The following NEK4 variants were observed in gnomAD, a reference collection of about 807,000 sequenced individuals.
NEK4 encodes serine/threonine-protein kinase Nek4.
NEK4 carries 86 observed loss-of-function variants against 98.4 expected under a neutral mutation model. The ratio of observed to expected loss-of-function variants is 0.87; its 90% CI spans 0.73 to 1.05. NEK4 has a LOEUF of 1.05. Ranked by LOEUF, NEK4 falls within the 50% of genes least tolerant of loss-of-function variation. NEK4 has a pLI of 0.00. For synonymous variants in NEK4, 328 were observed against 342.2 expected (o/e 0.96, Z 0.46); for missense variants, 898 against 950.3 (o/e 0.94, Z 0.72).
In NEK4 at chr3:52,760,911, T is replaced by A. The variant is rs1199727291; in HGVS notation, c.847A>T (p.Asn283Tyr). Reference protein sequence around the residue: ...KIKTSKNNIKNGDSQSKPFAT... With the variant: ...KIKTSKNNIKYGDSQSKPFAT... ...AAAGGCTTGGATTGAGAGTCACCATTTTTAATGTTATTTTTGGAGGTTTTT... is the reference window on the plus strand; with the variant it reads ...AAAGGCTTGGATTGAGAGTCACCATATTTAATGTTATTTTTGGAGGTTTTT... The change falls in exon 6 of 16, where the codon AAT becomes TAT. Residue 283 changes from asparagine (N) to tyrosine (Y), a missense_variant. By Grantham distance (143) the Asn-to-Tyr change is moderately radical. Transcript: ENST00000233027. 6.3e-7 allele frequency: 1 copy of A among 1,585,946 alleles called. No individual in the cohort carries two copies. Among genetic ancestry groups the A allele is most frequent in the Non-Finnish European group, 8.6e-7 (1 of 1,166,894 alleles).
rs1698438437 is a variant in NEK4, at chr3:52,763,599, C to T, written c.692G>A (p.Ser231Asn). ...GKLPPMPRDY[S>N]PELAELIRTM... The stretch of plus-strand genomic sequence containing the variant: ...TCTTATCAGTTCTGCCAGCTCTGGG[C>T]TGTAATCTCTTGGCATTGGTGGCAG... Residue 231 changes from serine to asparagine, a missense_variant, in exon 5 of 16, where the codon AGC becomes AAC. Ser to Asn is a conservative substitution (Grantham distance 46). Transcript: ENST00000233027. 1 of 1,604,730 alleles carries T rather than the reference C, an allele frequency of 6.2e-7. No individual in the cohort carries two copies. The highest frequency in any genetic ancestry group is 2.2e-5 in the East Asian group (1 of 44,710).
At chr3:52,734,827 GC>G in intron 15 of NEK4, 1 of 317,638 alleles carries the variant, frequency 3.1e-6, no homozygotes, top group Non-Finnish European at 6.2e-6. Flanking sequence ...CTCTCATTCA[GC>G]AAGAGGATGA....
chr3:52,760,787 A>G lies in NEK4; in HGVS notation c.963+8T>C. 1 of 1,593,948 alleles carries G rather than the reference A, an allele frequency of 6.3e-7. No homozygotes were observed. Among genetic ancestry groups the G allele is most frequent in the Non-Finnish European group, 8.5e-7 (1 of 1,171,324 alleles). Reference sequence around the variant, plus strand: ...TCTAAAACACATACCCTTTAAAAAGAAACGTACCATTATATATGTCTGGGA... The same window carrying G: ...TCTAAAACACATACCCTTTAAAAAGGAACGTACCATTATATATGTCTGGGA... On this transcript the variant is annotated splice_region_variant and intron_variant, in intron 6 of 15. Transcript: ENST00000233027.
At chr3:52,723,531 C>T (rs1245393308) in intron 15 of NEK4, among the ~76,000 whole-genome samples, 1 of 152,100 alleles carries the variant, frequency 6.6e-6, no homozygotes, top group Non-Finnish European at 1.5e-5. Context: ...CATGAGCCAC[C>T]ATGCCCGGTC....
At chr3:52,765,795 G>T in intron 4 of NEK4, 92 bp downstream of exon 4, 1 of 773,088 alleles carries the variant, frequency 1.3e-6, no homozygotes, top group Non-Finnish European at 2.3e-6. Context: ...ATTACTCATT[G>T]ACTCATCAAA....
chr3:52,770,877 G>C lies in NEK4; in HGVS notation c.-131C>G. On this transcript the variant is annotated 5_prime_UTR_variant, in exon 1 of 16. Coordinates refer to ENST00000233027, the MANE Select transcript of NEK4 (RefSeq NM_003157.6). ...CTGTTGAGGCAGCCGGGCCCGGGCG[G>C]GATTGCTGGGGCCCGGCCCGCGACG... The C allele has an allele frequency of 1.3e-6, 1 of 748,322 alleles. No individual in the cohort carries two copies. Among genetic ancestry groups the C allele is most frequent in the South Asian group, 1.7e-5 (1 of 60,482 alleles). The allele number at this position is 748,322 out of a possible 1,614,324, so 46.4% of individuals were successfully genotyped here.
intron 5 of NEK4, among the ~76,000 whole-genome samples, chr3:52,763,132 C>G (rs1698420690): frequency 6.6e-6 from 1 of 152,152 alleles, no homozygotes; most frequent in Non-Finnish European, 1.5e-5. Flanking sequence ...TCTCTTTGTT[C>G]AATCAAGCAA....
chr3:52,758,481 A>G lies in NEK4; in HGVS notation c.963+2314T>C, dbSNP rs147534442. Among the ~76,000 whole-genome samples the G allele has an allele frequency of 4.6e-5, 7 of 152,244 alleles. No individual in the cohort carries two copies. The East Asian group carries it at 1.3e-3, about 29-fold the overall frequency. On this transcript the variant is annotated intron_variant, in intron 6 of 15. Coordinates refer to ENST00000233027, the MANE Select transcript of NEK4 (RefSeq NM_003157.6). ...ACCTAAATATAAGAGCTAAAACTAT[A>G]AAACTGTTAGAAGAAACTATGGCAT...
chr3:52,740,659 C>T (rs1361977451), intron 13 of NEK4, among the ~76,000 whole-genome samples: 3 of 151,642 alleles, frequency 2.0e-5, no homozygotes, highest in Non-Finnish European at 4.4e-5. Context: ...TGTAGCTGGG[C>T]GAGTGCCTGT....
intron 6 of NEK4, among the ~76,000 whole-genome samples, chr3:52,756,912 G>A (rs2097416041): frequency 6.6e-6 from 1 of 152,066 alleles, no homozygotes; most frequent in African/African-American, 2.4e-5. Flanking sequence ...AGCAAAAAAT[G>A]AACGACCCAA....
rs1184819236 is a variant in NEK4 at position 52,770,872 on chromosome 3, G to A, written c.-126C>T. 20 of 808,576 alleles carry A rather than the reference G, an allele frequency of 2.5e-5. No homozygotes were observed. The highest frequency in any genetic ancestry group is 3.2e-5 in the South Asian group (2 of 62,954). The allele number at this position is 808,576 out of a possible 1,614,324, so 50.1% of individuals were successfully genotyped here. A position where few individuals can be genotyped will look rare whatever the true frequency, so the allele number is the denominator to read the frequency against. ...GGCGGCTGTTGAGGCAGCCGGGCCC[G>A]GGCGGGATTGCTGGGGCCCGGCCCG... On this transcript the variant is annotated 5_prime_UTR_variant, in exon 1 of 16. Transcript: ENST00000233027.
chr3:52,736,944 T>C (rs1578647379), intron 15 of NEK4, among the ~76,000 whole-genome samples: 1 of 152,184 alleles, frequency 6.6e-6, no homozygotes, highest in African/African-American at 2.4e-5. Context: ...GTAATAGAGT[T>C]TATTTTTTTT....
rs775281671 is a variant in NEK4, at chr3:52,768,625, T to A, written c.94-21A>T. 2.5e-6 allele frequency: 4 copies of A among 1,610,180 alleles called. No individual in the cohort carries two copies. In the East Asian group the frequency reaches 8.9e-5, roughly 36 times the overall value. ...ACATACTAAAAACAAACCATGTATT[T>A]TTACAATGTGCAAATAAACGTAAGA... On this transcript the variant is annotated intron_variant, in intron 1 of 15. Transcript: ENST00000233027.
chr3:52,757,218 A>AT (rs1233679676), intron 6 of NEK4, among the ~76,000 whole-genome samples: 1 of 152,238 alleles, frequency 6.6e-6, no homozygotes, highest in Non-Finnish European at 1.5e-5. Flanking sequence ...TAGAATTACC[A>AT]TGTAGTCAGC....
At chr3:52,759,132 G>A (rs540555788) in intron 6 of NEK4, among the ~76,000 whole-genome samples, 1 of 148,568 alleles carries the variant, frequency 6.7e-6, no homozygotes, top group South Asian at 2.1e-4. Context: ...CCTGGGCACA[G>A]TGGCTCATGC....
chr3:52,712,271 A>C (rs2154101649), intron 15 of NEK4, among the ~76,000 whole-genome samples: 1 of 152,390 alleles, frequency 6.6e-6, no homozygotes, highest in South Asian at 2.1e-4. Flanking sequence ...ATAACCATTT[A>C]GTGAAATGGG....
intron 15 of NEK4, among the ~76,000 whole-genome samples, chr3:52,720,584 A>G (rs908599753): frequency 6.6e-6 from 1 of 152,236 alleles, no homozygotes; most frequent in Non-Finnish European, 1.5e-5. Flanking sequence ...ACATCTCCTC[A>G]TAAACAATGG....
At chr3:52,736,959 CAG>C (rs1435350319) in intron 15 of NEK4, among the ~76,000 whole-genome samples, 3 of 152,050 alleles carry the variant, frequency 2.0e-5, no homozygotes, top group African/African-American at 7.2e-5. Context: ...TTTTTTGAGA[CAG>C]AGTCTTGCTC....
chr3:52,763,710 A>G (rs1183788405), intron 4 of NEK4, 86 bp from the exon 5 acceptor site: 7 of 971,418 alleles, frequency 7.2e-6, no homozygotes, highest in East Asian at 4.9e-5. Flanking sequence ...ATATTTATTT[A>G]TAGTCATATG....
Sources: allele counts gnomAD v4.1 joint callset (sites outside exome capture counted in the v4.1 genomes callset), GRCh38; gene constraint gnomAD v4.1.1; transcripts MANE v1.5; gene names NCBI Gene and HGNC (gene_info 2026-07-23, HGNC 2026-07-21).